Variants in TBC1D9B observed in about 807,000 individuals in gnomAD.
TBC1D9B encodes TBC1 domain family, member 9B (with GRAM domain).
A neutral mutation model predicts 121.1 loss-of-function variants in TBC1D9B; 87 were observed. The ratio of observed to expected loss-of-function variants is 0.72; its 90% confidence interval spans 0.60 to 0.86. The LOEUF is 0.86. Among genes scored for constraint, TBC1D9B ranks in the 40% least tolerant of loss-of-function variants. TBC1D9B has a pLI of 0.00. For synonymous variants in TBC1D9B, 668 were observed against 670.1 expected, an observed-to-expected ratio of 1.00 and a Z score of 0.05; for missense variants, 1,540 against 1,628.6, an observed-to-expected ratio of 0.95 and a Z score of 0.94.
intron 3 of TBC1D9B, among the ~76,000 whole-genome samples, chr5:179,895,319 T>C (rs982515645): frequency 6.6e-6 from 1 of 152,242 alleles, no homozygotes; most frequent in Non-Finnish European, 1.5e-5. Flanking sequence ...CTTCCAGACA[T>C]GCAAACACCA....
At chr5:179,868,107 A>T (rs1760076004) in intron 17 of TBC1D9B, 1 of 304,492 alleles carries the variant, frequency 3.3e-6, no homozygotes, top group Admixed American at 4.6e-5. Context: ...ACATGATCTC[A>T]GCTCACTGCA....
At position 179,875,345 on chromosome 5, in the gene TBC1D9B, C is replaced by A. The variant is rs1188748367; in HGVS notation, c.1901-158G>T. Among the ~76,000 whole-genome samples the A allele has an allele frequency of 6.6e-6, 1 of 152,190 alleles. No individual in the cohort carries two copies. Among genetic ancestry groups the A allele is most frequent in the East Asian group, 1.9e-4 (1 of 5,196 alleles). On this transcript the variant is annotated intron_variant, in intron 11 of 20. Coordinates refer to ENST00000355235, the MANE Select transcript of TBC1D9B (RefSeq NM_015043.4). This position sits in a 1 kb window ranked among gnomAD's most constrained non-coding sequence, Gnocchi z 4.5. ...CTGGGAGAAAACAAGGACGAAAAAACCCTTCAAGTCTCTCTACAGCTCCCA... is the reference window on the plus strand; with the variant it reads ...CTGGGAGAAAACAAGGACGAAAAAAACCTTCAAGTCTCTCTACAGCTCCCA...
intron 1 of TBC1D9B, among the ~76,000 whole-genome samples, chr5:179,905,921 C>G (rs540655638): frequency 6.6e-6 from 1 of 152,126 alleles, no homozygotes; most frequent in Non-Finnish European, 1.5e-5. Context: ...GCTCTGTCGC[C>G]CAAGGTGGAG....
intron 1 of TBC1D9B, among the ~76,000 whole-genome samples, chr5:179,906,871 G>T (rs561487947): frequency 6.6e-6 from 1 of 152,386 alleles, no homozygotes; most frequent in Admixed American, 6.5e-5. Context: ...TAGGGCAACA[G>T]TCGGTGCCCC....
In TBC1D9B at chr5:179,879,146, C is replaced by T. The variant is rs760568290; in HGVS notation, c.1468G>A (p.Gly490Arg). The change falls in exon 9 of 21, where the codon GGG becomes AGG. Residue 490 changes from glycine (G) to arginine (R), a missense_variant. Physicochemically the swap from Gly to Arg is moderately radical, Grantham distance 125. Coordinates refer to ENST00000355235, the MANE Select transcript of TBC1D9B (RefSeq NM_015043.4). ...ESWHIHFFEY[G>R]RGVCMYRTAK... ...GTGCGGTACATGCACACGCCACGCC[C>T]GTACTCGAAGAAGTGGATGTGCCAT... 6 of 1,606,650 alleles carry T rather than the reference C, an allele frequency of 3.7e-6. No homozygotes were observed. Among genetic ancestry groups the T allele is most frequent in the East Asian group, 2.2e-5 (1 of 44,856 alleles).
chr5:179,877,149 C>T (rs1006358085), intron 10 of TBC1D9B, among the ~76,000 whole-genome samples: 1 of 147,450 alleles, frequency 6.8e-6, no homozygotes, highest in Admixed American at 6.8e-5. Context: ...CTTTGAGAGG[C>T]TGAGGCGGAA....
intron 9 of TBC1D9B, 42 bp downstream of exon 9, chr5:179,879,005 G>C (rs2113619566): frequency 6.3e-7 from 1 of 1,590,048 alleles, no homozygotes; most frequent in Non-Finnish European, 8.5e-7. Context: ...CTTGGGGACT[G>C]ACTGGCTGAG....
In TBC1D9B at chr5:179,907,817, C is replaced by A; in HGVS notation, c.5G>T (p.Trp2Leu). Reference protein sequence around the residue: MWLSPEEVLVAN... With the variant: MLLSPEEVLVAN... ...CACCAGCACCTCCTCCGGGCTCAGC[C>A]ACATCGCGGAGCCGCTCGCACCGGG... Residue 2 changes from tryptophan (W) to leucine (L), a missense_variant, in exon 1 of 21, where the codon TGG becomes TTG. By Grantham distance (61) the Trp-to-Leu change is moderately conservative. Coordinates refer to ENST00000355235, the MANE Select transcript of TBC1D9B (RefSeq NM_015043.4). The surrounding 1 kb of genome is among the most constrained non-coding windows in gnomAD (Gnocchi z 5.3). 1.7e-6 allele frequency: 2 copies of A among 1,184,646 alleles called. No individual in the cohort carries two copies. Among genetic ancestry groups the A allele is most frequent in the Non-Finnish European group, 2.1e-6 (2 of 932,590 alleles). 73.4% of individuals were successfully genotyped at this position (1,184,646 alleles called of 1,614,324 possible). A position where few individuals can be genotyped will look rare whatever the true frequency, so the allele number is the denominator to read the frequency against.
Position 179,875,963 on chromosome 5 carries a change from C to T in TBC1D9B, c.1857G>A (p.Leu619=), listed in dbSNP as rs376455704. The change falls in exon 11 of 21, where the codon CTG becomes CTA. Residue 619 remains leucine (L), a synonymous_variant. Coordinates refer to ENST00000355235, the MANE Select transcript of TBC1D9B (RefSeq NM_015043.4). This position sits in a 1 kb window ranked among gnomAD's most constrained non-coding sequence, Gnocchi z 4.5. ...EEEAFWLLVA[L]CERMLPDYYN... Reference sequence around the variant, plus strand: ...AGTAGTCGGGCAGCATGCGCTCGCACAGGGCCACCAGGAGCCAGAAGGCCT... The same window carrying T: ...AGTAGTCGGGCAGCATGCGCTCGCATAGGGCCACCAGGAGCCAGAAGGCCT... 5.0e-6 allele frequency: 8 copies of T among 1,611,750 alleles called. No individual in the cohort carries two copies. Among genetic ancestry groups the T allele is most frequent in the Non-Finnish European group, 6.8e-6 (8 of 1,179,280 alleles).
intron 3 of TBC1D9B, among the ~76,000 whole-genome samples, chr5:179,896,423 T>C (rs943646224): frequency 6.6e-6 from 1 of 152,200 alleles, no homozygotes; most frequent in East Asian, 1.9e-4. Context: ...CCACCGCGCC[T>C]AGCCAAACTG....
chr5:179,883,780 G>A (rs1016665544), intron 7 of TBC1D9B, among the ~76,000 whole-genome samples: 6 of 152,026 alleles, frequency 3.9e-5, no homozygotes, highest in African/African-American at 1.5e-4. Context: ...CTTTCTCCCC[G>A]CAATATCTTT....
intron 7 of TBC1D9B, among the ~76,000 whole-genome samples, chr5:179,883,333 T>A (rs1454448241): frequency 1.3e-5 from 2 of 152,218 alleles, no homozygotes; most frequent in Non-Finnish European, 2.9e-5. Flanking sequence ...TCCACTGCTT[T>A]TTTCTGGGAA....
Position 179,862,195 on chromosome 5 carries a change from A to G in TBC1D9B, c.*1253T>C, listed in dbSNP as rs771218843. On this transcript the variant is annotated 3_prime_UTR_variant, in exon 21 of 21. Transcript: ENST00000355235. The stretch of plus-strand genomic sequence containing the variant: ...AACAGTATGTATAAGGTTTGTTATT[A>G]TCTGTGGTTTTAGACATCCACTGGG... 83 of 199,514 alleles carry G rather than the reference A, an allele frequency of 4.2e-4. 2 individuals are homozygous for G. The highest frequency in any genetic ancestry group is 4.0e-3 in the Admixed American group (81 of 20,108). The allele number at this position is 199,514 out of a possible 1,614,324, so 12.4% of individuals were successfully genotyped here.
At position 179,907,198 on chromosome 5, in the gene TBC1D9B, G is replaced by A. The variant is rs1404574923; in HGVS notation, c.118+506C>T. Among the ~76,000 whole-genome samples the A allele has an allele frequency of 6.6e-6, 1 of 152,174 alleles. No individual in the cohort carries two copies. Among genetic ancestry groups the A allele is most frequent in the Non-Finnish European group, 1.5e-5 (1 of 68,002 alleles). ...GGAGAAGCTGGGGGAATGGGGGTGCGGCCAGCTCCAGGGACCTCTGATCTT... is the reference window on the plus strand; with the variant it reads ...GGAGAAGCTGGGGGAATGGGGGTGCAGCCAGCTCCAGGGACCTCTGATCTT... On this transcript the variant is annotated intron_variant, in intron 1 of 20. Transcript: ENST00000355235. The surrounding 1 kb of genome is among the most constrained non-coding windows in gnomAD (Gnocchi z 5.3).
At chr5:179,888,034 G>A in intron 7 of TBC1D9B, 69 bp downstream of exon 7, 2 of 1,583,652 alleles carry the variant, frequency 1.3e-6, no homozygotes, top group Non-Finnish European at 1.7e-6. Flanking sequence ...GCTCCAGCGG[G>A]GAGGCTGATG....
rs1760827011 is a variant in TBC1D9B at position 179,890,350 on chromosome 5, G to A, written c.1044+1029C>T. ...GGCTCTCTACCATCTGAGATGTCAA[G>A]GGCCCGGCAGGAGAAATCCAAACGG... On this transcript the variant is annotated intron_variant, in intron 6 of 20. Transcript: ENST00000355235. The surrounding 1 kb of genome is among the most constrained non-coding windows in gnomAD (Gnocchi z 5.0). Among the ~76,000 whole-genome samples the A allele has an allele frequency of 6.6e-6, 1 of 152,186 alleles. No individual in the cohort carries two copies. The highest frequency in any genetic ancestry group is 6.5e-5 in the Admixed American group (1 of 15,286).
chr5:179,875,962 A>C lies in TBC1D9B; in HGVS notation c.1858T>G (p.Cys620Gly). 2 of 1,611,668 alleles carry C rather than the reference A, an allele frequency of 1.2e-6. No individual in the cohort carries two copies. The highest frequency in any genetic ancestry group is 8.5e-7 in the Non-Finnish European group (1 of 1,179,270). ...TAGTAGTCGGGCAGCATGCGCTCGC[A>C]CAGGGCCACCAGGAGCCAGAAGGCC... is the stretch of plus-strand genomic sequence containing the variant. ...EEAFWLLVALCERMLPDYYNT... is the reference protein window; with the variant it reads ...EEAFWLLVALGERMLPDYYNT... The change falls in exon 11 of 21, where the codon TGC (cysteine) becomes GGC (glycine). Residue 620 changes from cysteine to glycine, a missense_variant. By Grantham distance (159) the Cys-to-Gly change is radical. Coordinates refer to ENST00000355235, the MANE Select transcript of TBC1D9B (RefSeq NM_015043.4). This position sits in a 1 kb window ranked among gnomAD's most constrained non-coding sequence, Gnocchi z 4.5.
chr5:179,877,677 A>C (rs1368087051), intron 10 of TBC1D9B, among the ~76,000 whole-genome samples: 1 of 151,326 alleles, frequency 6.6e-6, no homozygotes, highest in Admixed American at 6.6e-5. Context: ...AAAAAAAAAA[A>C]AAAAAAGAAA....
chr5:179,881,776 T>C (rs1388264350), intron 7 of TBC1D9B, among the ~76,000 whole-genome samples: 1 of 152,174 alleles, frequency 6.6e-6, no homozygotes, highest in Non-Finnish European at 1.5e-5. Context: ...CTTAGTCCTC[T>C]CTTTTTAAGA....
Sources: allele counts gnomAD v4.1 joint callset (sites outside exome capture counted in the v4.1 genomes callset), GRCh38; gene constraint gnomAD v4.1.1; non-coding constraint Gnocchi (gnomAD v3.1); transcripts MANE v1.5; gene names NCBI Gene and HGNC (gene_info 2026-07-23, HGNC 2026-07-21).